ENOX1: variants seen among roughly 807,000 people sequenced by gnomAD.
ENOX1 encodes ecto-NOX disulfide-thiol exchanger 1.
A neutral mutation model predicts 82.5 loss-of-function variants in ENOX1; 42 were observed. The ratio of observed to expected loss-of-function variants is 0.51; its 90% CI spans 0.40 to 0.66. The LOEUF is 0.66. ENOX1 is among the 30% of genes least tolerant of loss of function. ENOX1 has a pLI of 0.00. For synonymous variants in ENOX1, 271 were observed against 282.2 expected (o/e 0.96, Z 0.40); for missense variants, 608 against 811.6 (o/e 0.75, Z 3.05).
chr13:43,381,709 C>T (rs1249884751), intron 5 of ENOX1, among the ~76,000 whole-genome samples: 1 of 151,816 alleles, frequency 6.6e-6, no homozygotes, highest in Non-Finnish European at 1.5e-5. Context: ...CTACAGTTCC[C>T]ATACATAAAT....
intron 1 of ENOX1, among the ~76,000 whole-genome samples, chr13:43,676,767 T>C (rs1283404045): frequency 6.6e-6 from 1 of 152,016 alleles, no homozygotes; most frequent in East Asian, 1.9e-4. Flanking sequence ...GAAAAGAAGT[T>C]TGAGATAGCT....
intron 5 of ENOX1, among the ~76,000 whole-genome samples, chr13:43,402,526 C>T (rs2053556574): frequency 6.6e-6 from 1 of 152,188 alleles, no homozygotes; most frequent in Non-Finnish European, 1.5e-5. Flanking sequence ...AAGTCCAGCA[C>T]AGTCTGTTAG....
chr13:43,409,172 A>G (rs1401477917), intron 5 of ENOX1, among the ~76,000 whole-genome samples: 1 of 152,176 alleles, frequency 6.6e-6, no homozygotes, highest in Non-Finnish European at 1.5e-5. Context: ...GTAGTTATAG[A>G]ATAATTTAAG....
chr13:43,253,683 AC>A (rs550837872), intron 14 of ENOX1, among the ~76,000 whole-genome samples: 1 of 152,360 alleles, frequency 6.6e-6, no homozygotes, highest in East Asian at 1.9e-4. Flanking sequence ...TGAGTAGCAT[AC>A]AGAACTAAGA....
intron 3 of ENOX1, among the ~76,000 whole-genome samples, chr13:43,466,520 G>A (rs2057728247): frequency 6.6e-6 from 1 of 151,888 alleles, no homozygotes; most frequent in African/African-American, 2.4e-5. Context: ...AAAATAGAAA[G>A]GAACAAAACT....
chr13:43,216,146 C>T (rs772320350), intron 16 of ENOX1, among the ~76,000 whole-genome samples: 11 of 151,846 alleles, frequency 7.2e-5, no homozygotes, highest in East Asian at 1.9e-4. Flanking sequence ...TGCAGTAAGC[C>T]GAGATGGCAC....
At chr13:43,660,396 T>C (rs1445805898) in intron 2 of ENOX1, among the ~76,000 whole-genome samples, 3 of 152,244 alleles carry the variant, frequency 2.0e-5, no homozygotes, top group Non-Finnish European at 4.4e-5. Flanking sequence ...AGTCAGTCTT[T>C]ATCCTTTTGC....
At chr13:43,408,666 G>C (rs2053942193) in intron 5 of ENOX1, among the ~76,000 whole-genome samples, 1 of 151,790 alleles carries the variant, frequency 6.6e-6, no homozygotes, top group Non-Finnish European at 1.5e-5. Flanking sequence ...AGTAAAAAGG[G>C]CATCAGATAT....
chr13:43,550,980 C>A (rs970966060), intron 2 of ENOX1, among the ~76,000 whole-genome samples: 2 of 152,100 alleles, frequency 1.3e-5, no homozygotes, highest in Non-Finnish European at 1.5e-5. Context: ...GAGAGCAAAA[C>A]CCTGGTGTCA....
intron 1 of ENOX1, among the ~76,000 whole-genome samples, chr13:43,708,980 T>C (rs901705180): frequency 1.3e-5 from 2 of 152,168 alleles, no homozygotes; most frequent in African/African-American, 2.4e-5. Context: ...ATGAGAATTA[T>C]AGTTTTTAAA....
intron 2 of ENOX1, among the ~76,000 whole-genome samples, chr13:43,582,933 C>A (rs1353190317): frequency 6.6e-6 from 1 of 152,040 alleles, no homozygotes; most frequent in Non-Finnish European, 1.5e-5. Context: ...CACTAATTAT[C>A]ACACAAATAA....
chr13:43,612,198 G>A (rs1001496378), intron 2 of ENOX1, among the ~76,000 whole-genome samples: 1 of 152,196 alleles, frequency 6.6e-6, no homozygotes, highest in African/African-American at 2.4e-5. Context: ...ACAGATGAAG[G>A]AGCCAGGCAA....
chr13:43,339,561 C>A (rs1422388681), intron 9 of ENOX1, among the ~76,000 whole-genome samples: 1 of 152,210 alleles, frequency 6.6e-6, no homozygotes, highest in Non-Finnish European at 1.5e-5. Flanking sequence ...CACTAGTTAG[C>A]CAGTTTGCCA....
At chr13:43,701,551 G>A (rs543701669) in intron 1 of ENOX1, among the ~76,000 whole-genome samples, 1 of 152,206 alleles carries the variant, frequency 6.6e-6, no homozygotes, top group South Asian at 2.1e-4. Context: ...ATTTTATTGT[G>A]TAAGGTAACC....
chr13:43,308,051 G>A (rs555014042), intron 11 of ENOX1, among the ~76,000 whole-genome samples: 2 of 152,294 alleles, frequency 1.3e-5, no homozygotes, highest in East Asian at 1.9e-4. Context: ...CACTGCTGAC[G>A]GATGAGCAAA....
intron 1 of ENOX1, among the ~76,000 whole-genome samples, chr13:43,673,305 C>T (rs1405832465): frequency 6.6e-6 from 1 of 151,900 alleles, no homozygotes; most frequent in African/African-American, 2.4e-5. Context: ...GACCCCTTAC[C>T]ACCACTTCTA....
intron 11 of ENOX1, among the ~76,000 whole-genome samples, chr13:43,316,015 C>T (rs1449802425): frequency 6.6e-6 from 1 of 152,188 alleles, no homozygotes; most frequent in East Asian, 1.9e-4. Context: ...TAACCTTTCC[C>T]AGGTCAAGGC....
intron 2 of ENOX1, among the ~76,000 whole-genome samples, chr13:43,650,351 T>C (rs952306131): frequency 5.3e-5 from 8 of 152,140 alleles, no homozygotes; most frequent in African/African-American, 1.7e-4. Context: ...GCATAAACAA[T>C]CCAGCAGGCC....
chr13:43,758,582 A>G (rs1950784887), intron 1 of ENOX1, among the ~76,000 whole-genome samples: 2 of 152,242 alleles, frequency 1.3e-5, no homozygotes, highest in African/African-American at 4.8e-5. Flanking sequence ...ATATTGCACT[A>G]CAGTTTTGTA....
Sources: gnomAD v4.1 joint callset for allele counts (sites outside exome capture counted in the v4.1 genomes callset) on GRCh38, gnomAD v4.1.1 for gene constraint, MANE v1.5 for transcripts, NCBI Gene and HGNC (gene_info 2026-07-23, HGNC 2026-07-21) for gene names.